RERE: variants seen among roughly 807,000 people sequenced by gnomAD.
RERE encodes the protein arginine-glutamic acid dipeptide repeats protein.
A neutral mutation model predicts 146.1 loss-of-function variants in RERE; 40 were observed. That is an observed-to-expected ratio of 0.27 (90% CI 0.21 to 0.36). The LOEUF is 0.36. Among genes scored for constraint, RERE ranks in the 10% least tolerant of loss-of-function variants. RERE has a pLI of 1.00. For synonymous variants in RERE, 1,003 were observed against 866.0 expected (o/e 1.16, Z -2.78); for missense variants, 1,933 against 2,138.7 (o/e 0.90, Z 1.90).
Position 8,392,475 on chromosome 1 carries a change from C to T in RERE, c.1285-26501G>A, listed in dbSNP as rs562656864. 8.3e-4 allele frequency among the ~76,000 whole-genome samples: 126 copies of T among 152,246 alleles called. 1 individual carries two copies. Among genetic ancestry groups the T allele is most frequent in the African/African-American group, 2.6e-3 (110 of 41,552 alleles). On this transcript the variant is annotated intron_variant, in intron 12 of 22. Transcript: ENST00000400908. ...AAACAAACTTAGCCAAAACTTTTTCCTCTCCCCTGGGTCTCATTCTTCATT... is the reference window on the plus strand; with the variant it reads ...AAACAAACTTAGCCAAAACTTTTTCTTCTCCCCTGGGTCTCATTCTTCATT...
intron 4 of RERE, among the ~76,000 whole-genome samples, chr1:8,613,542 G>A (rs1557435426): frequency 2.0e-5 from 3 of 152,120 alleles, no homozygotes; most frequent in Admixed American, 6.5e-5. Context: ...AAGTGCCACA[G>A]CCCATCTGGA....
At chr1:8,527,377 A>T (rs1006870953) in intron 7 of RERE, among the ~76,000 whole-genome samples, 1 of 152,214 alleles carries the variant, frequency 6.6e-6, no homozygotes, top group Non-Finnish European at 1.5e-5. Flanking sequence ...ATGGAATTAG[A>T]ACCTAGCAGC....
At chr1:8,611,848 G>A (rs536940627) in intron 4 of RERE, among the ~76,000 whole-genome samples, 5 of 152,124 alleles carry the variant, frequency 3.3e-5, no homozygotes, top group East Asian at 3.9e-4. Context: ...ATCAGCTGGC[G>A]GGTAGAATCA....
chr1:8,365,745 A>G (rs1433254167), intron 13 of RERE, 67 bp downstream of exon 13: 9 of 1,569,484 alleles, frequency 5.7e-6, no homozygotes, highest in Middle Eastern at 1.8e-4. Flanking sequence ...CTACGGGCCC[A>G]GAGTGGGACA....
At chr1:8,405,364 GAAAAT>G (rs1643408614) in intron 12 of RERE, among the ~76,000 whole-genome samples, 1 of 152,022 alleles carries the variant, frequency 6.6e-6, no homozygotes, top group South Asian at 2.1e-4. Context: ...CCCAGAAACT[GAAAAT>G]AAATGATCAA....
intron 12 of RERE, among the ~76,000 whole-genome samples, chr1:8,416,545 A>C (rs1490655141): frequency 2.7e-5 from 4 of 150,262 alleles, no homozygotes; most frequent in South Asian, 2.1e-4. Flanking sequence ...GAGACTGCAT[A>C]ACTGCACTCC....
intron 1 of RERE, among the ~76,000 whole-genome samples, chr1:8,688,279 T>A (rs1014604756): frequency 3.3e-5 from 5 of 152,024 alleles, no homozygotes; most frequent in African/African-American, 9.7e-5. Context: ...CTACAAAAAA[T>A]TTAAGGCCAG....
chr1:8,771,333 C>T (rs1265374504), intron 1 of RERE, among the ~76,000 whole-genome samples: 4 of 151,486 alleles, frequency 2.6e-5, no homozygotes, highest in African/African-American at 9.7e-5. Context: ...TCCAGCCTGG[C>T]CAACATGACA....
intron 7 of RERE, among the ~76,000 whole-genome samples, chr1:8,539,695 C>T (rs1269311803): frequency 6.6e-6 from 1 of 152,160 alleles, no homozygotes; most frequent in Non-Finnish European, 1.5e-5. Context: ...GACCCACCTA[C>T]ACCTGGCCAA....
At chr1:8,557,313 A>AAC (rs1284663005) in intron 5 of RERE, 105 bp downstream of exon 5, 2 of 775,382 alleles carry the variant, frequency 2.6e-6, no homozygotes, top group Non-Finnish European at 4.4e-6. Context: ...CCAACACTCC[A>AAC]AAATCCATTT....
intron 1 of RERE, among the ~76,000 whole-genome samples, chr1:8,757,911 T>TAC (rs35913290): frequency 5.5e-3 from 165 of 30,168 alleles, no homozygotes; most frequent in South Asian, 0.019. Context: ...CACACATACA[T>TAC]ACACACACAC....
chr1:8,508,932 T>G (rs1187099437), intron 7 of RERE, among the ~76,000 whole-genome samples: 1 of 152,112 alleles, frequency 6.6e-6, no homozygotes, highest in Non-Finnish European at 1.5e-5. Flanking sequence ...GTTCTTTTTT[T>G]GAGACAGAGT....
chr1:8,509,408 C>CCATT (rs1216188806), intron 7 of RERE, among the ~76,000 whole-genome samples: 1 of 97,438 alleles, frequency 1.0e-5, no homozygotes, highest in East Asian at 7.8e-4. Context: ...AGCCATCCAT[C>CCATT]CATCCATCCA....
At chr1:8,692,196 C>G (rs1427240260) in intron 1 of RERE, among the ~76,000 whole-genome samples, 1 of 152,174 alleles carries the variant, frequency 6.6e-6, no homozygotes, top group African/African-American at 2.4e-5. Flanking sequence ...ATAACACTTA[C>G]ATGGAACCAC....
chr1:8,576,011 C>G (rs1646290368), intron 4 of RERE, among the ~76,000 whole-genome samples: 1 of 152,090 alleles, frequency 6.6e-6, no homozygotes, highest in Non-Finnish European at 1.5e-5. Flanking sequence ...TAGATCCATT[C>G]CCTACACAGG....
intron 12 of RERE, among the ~76,000 whole-genome samples, chr1:8,370,275 G>C (rs1191491694): frequency 6.6e-5 from 10 of 152,036 alleles, no homozygotes; most frequent in African/African-American, 2.4e-4. Flanking sequence ...GGTGGGTGCT[G>C]CGTGAGTCCT....
chr1:8,376,858 C>T (rs754313674), intron 12 of RERE, among the ~76,000 whole-genome samples: 5 of 152,162 alleles, frequency 3.3e-5, no homozygotes, highest in African/African-American at 1.2e-4. Context: ...GGCTCAAAAC[C>T]GTACAGGTGT....
At chr1:8,575,625 G>A (rs1185087145) in intron 4 of RERE, among the ~76,000 whole-genome samples, 1 of 147,732 alleles carries the variant, frequency 6.8e-6, no homozygotes, top group South Asian at 2.1e-4. Flanking sequence ...CTAACTGCTG[G>A]CTCAAGCAAT....
At chr1:8,689,950 T>A (rs562902362) in intron 1 of RERE, among the ~76,000 whole-genome samples, 1 of 152,296 alleles carries the variant, frequency 6.6e-6, no homozygotes, top group East Asian at 1.9e-4. Context: ...TAGAGGCCAG[T>A]AAAGGCTGTT....
Sources: gnomAD v4.1 joint callset for allele counts (sites outside exome capture counted in the v4.1 genomes callset) on GRCh38, gnomAD v4.1.1 for gene constraint, MANE v1.5 for transcripts, NCBI Gene and HGNC (gene_info 2026-07-23, HGNC 2026-07-21) for gene names.